NRXN3: variants seen among roughly 807,000 people sequenced by gnomAD.
The protein encoded by NRXN3 is neurexin III.
A neutral mutation model predicts 137.6 loss-of-function variants in NRXN3; 32 were observed. The ratio of observed to expected loss-of-function variants is 0.23; its 90% CI spans 0.18 to 0.31. The LOEUF (loss-of-function observed/expected upper bound fraction) is 0.31, where lower values mean the gene tolerates loss of function less well. NRXN3 is among the 10% of genes least tolerant of loss of function. NRXN3 has a pLI of 1.00. For synonymous variants in NRXN3, 798 were observed against 784.5 expected, an observed-to-expected ratio of 1.02 and a Z score of -0.29; for missense variants, 1,574 against 2,062.5, an observed-to-expected ratio of 0.76 and a Z score of 4.59.
intron 4 of NRXN3, among the ~76,000 whole-genome samples, chr14:78,421,897 TA>T (rs931154414): frequency 4.0e-5 from 6 of 150,880 alleles, no homozygotes; most frequent in East Asian, 3.9e-4. Flanking sequence ...TTTGCAACCA[TA>T]AAAAAAAAGC....
At chr14:79,005,753 G>GT (rs2152361295) in intron 15 of NRXN3, among the ~76,000 whole-genome samples, 1 of 151,748 alleles carries the variant, frequency 6.6e-6, no homozygotes, top group African/African-American at 2.4e-5. Flanking sequence ...GTGTTTACAT[G>GT]TTTATACATG....
chr14:79,625,757 C>G (rs1030703966), intron 16 of NRXN3, among the ~76,000 whole-genome samples: 2 of 152,130 alleles, frequency 1.3e-5, no homozygotes, highest in African/African-American at 4.8e-5. Context: ...CCCAGTTGTC[C>G]TGTATGTATC....
chr14:79,094,851 G>A (rs1474539130), intron 15 of NRXN3, among the ~76,000 whole-genome samples: 1 of 151,846 alleles, frequency 6.6e-6, no homozygotes, highest in Non-Finnish European at 1.5e-5. Context: ...AGAGTTGAAA[G>A]CAATAGAGAA....
intron 4 of NRXN3, among the ~76,000 whole-genome samples, chr14:78,411,380 C>T (rs540022330): frequency 6.6e-6 from 1 of 152,302 alleles, no homozygotes; most frequent in Admixed American, 6.5e-5. Context: ...TTCCCTGCTG[C>T]AGCACAGGCC....
intron 15 of NRXN3, among the ~76,000 whole-genome samples, chr14:79,065,978 G>A (rs2099680209): frequency 6.6e-6 from 1 of 151,990 alleles, no homozygotes; most frequent in African/African-American, 2.4e-5. Context: ...CTTTTGCTGT[G>A]CAGAAGCTCT....
At chr14:79,069,511 A>G (rs1485543093) in intron 15 of NRXN3, among the ~76,000 whole-genome samples, 2 of 152,078 alleles carry the variant, frequency 1.3e-5, no homozygotes, top group African/African-American at 2.4e-5. Context: ...AAGTGCTACA[A>G]AGAGAAACTA....
intron 4 of NRXN3, among the ~76,000 whole-genome samples, chr14:78,584,974 A>G (rs1018001898): frequency 6.6e-6 from 1 of 152,184 alleles, no homozygotes; most frequent in African/African-American, 2.4e-5. Context: ...CAGGCATAGC[A>G]TTAGCTTCAG....
Position 79,049,072 on chromosome 14 carries a change from A to AAATAATAATAAT in NRXN3, c.3262+60945_3262+60956dup, listed in dbSNP as rs750758304. ...AAAAAAAAAAAAAAAAAAAAAAAAA[A>AAATAATAATAAT]AATAATAATAATAATAATAATAATA... is the stretch of plus-strand genomic sequence containing the variant. On this transcript the variant is annotated intron_variant, in intron 15 of 20. Coordinates refer to ENST00000335750, the MANE Select transcript of NRXN3 (RefSeq NM_001330195.2). Among the ~76,000 whole-genome samples the AAATAATAATAAT allele has an allele frequency of 3.1e-4, 13 of 42,468 alleles. No homozygotes were observed. The East Asian group carries it at 5.2e-3, about 17-fold the overall frequency. 27.9% of individuals were successfully genotyped at this position (42,468 alleles called of 152,430 possible).
At chr14:78,543,419 C>CA (rs2153821812) in intron 4 of NRXN3, among the ~76,000 whole-genome samples, 1 of 152,242 alleles carries the variant, frequency 6.6e-6, no homozygotes, top group African/African-American at 2.4e-5. Flanking sequence ...TCAGTGCTAA[C>CA]AATTGTTGCA....
chr14:79,424,693 T>C (rs1006524314), intron 15 of NRXN3, among the ~76,000 whole-genome samples: 1 of 152,158 alleles, frequency 6.6e-6, no homozygotes, highest in African/African-American at 2.4e-5. Flanking sequence ...TCTGAAGCAA[T>C]ACCACTGAAT....
intron 16 of NRXN3, among the ~76,000 whole-genome samples, 153 bp from the exon 17 acceptor site, chr14:79,663,625 A>ATGGAGAAAT (rs1388671378): frequency 6.6e-6 from 1 of 152,172 alleles, no homozygotes. Context: ...ATGAAAGCTC[A>ATGGAGAAAT]TGGAGAAATG....
intron 4 of NRXN3, among the ~76,000 whole-genome samples, chr14:78,341,138 A>G (rs1024244681): frequency 1.6e-4 from 24 of 152,292 alleles, no homozygotes; most frequent in Admixed American, 1.4e-3. Context: ...CTTTGGTAAT[A>G]GTGGCTTTCC....
intron 16 of NRXN3, among the ~76,000 whole-genome samples, chr14:79,584,265 G>T (rs772046755): frequency 6.6e-6 from 1 of 152,146 alleles, no homozygotes; most frequent in Non-Finnish European, 1.5e-5. Flanking sequence ...TGTCCAGGGG[G>T]TGAGCAGAAA....
intron 15 of NRXN3, among the ~76,000 whole-genome samples, chr14:79,263,452 G>A (rs1332919300): frequency 6.6e-6 from 1 of 152,132 alleles, no homozygotes. Context: ...ATGTGTGTGT[G>A]TTTATCTCAT....
chr14:79,163,401 A>G (rs1011278925), intron 15 of NRXN3, among the ~76,000 whole-genome samples: 1 of 152,018 alleles, frequency 6.6e-6, no homozygotes, highest in African/African-American at 2.4e-5. Context: ...TTTGGTCTTA[A>G]GTAGATTATT....
At chr14:78,793,613 G>A (rs930970564) in intron 8 of NRXN3, among the ~76,000 whole-genome samples, 6 of 152,184 alleles carry the variant, frequency 3.9e-5, no homozygotes, top group African/African-American at 1.4e-4. Context: ...GCAGTGATGT[G>A]TGGCAACACA....
At chr14:78,639,814 C>A (rs2152562625) in intron 4 of NRXN3, among the ~76,000 whole-genome samples, 1 of 152,202 alleles carries the variant, frequency 6.6e-6, no homozygotes, top group Non-Finnish European at 1.5e-5. Context: ...TGTATGACCC[C>A]TGTAAACTCT....
At chr14:79,065,462 T>C (rs951827841) in intron 15 of NRXN3, among the ~76,000 whole-genome samples, 22 of 152,116 alleles carry the variant, frequency 1.4e-4, no homozygotes, top group African/African-American at 5.1e-4. Flanking sequence ...CCATGTAGCC[T>C]ATGGCAGATA....
intron 14 of NRXN3, among the ~76,000 whole-genome samples, chr14:78,976,162 T>A (rs1194792833): frequency 6.6e-6 from 1 of 152,218 alleles, no homozygotes; most frequent in Non-Finnish European, 1.5e-5. Context: ...AAGATTGACC[T>A]GTTTGGTGTG....
Sources: gnomAD v4.1 joint callset for allele counts (sites outside exome capture counted in the v4.1 genomes callset) on GRCh38, gnomAD v4.1.1 for gene constraint, MANE v1.5 for transcripts, NCBI Gene and HGNC (gene_info 2026-07-23, HGNC 2026-07-21) for gene names.